Variants in ACBD6 observed in about 807,000 individuals in gnomAD.
ACBD6 encodes the protein acyl-CoA-binding domain-containing protein 6.
ACBD6 carries 28 observed loss-of-function variants against 37.2 expected under a neutral mutation model. The ratio of observed to expected loss-of-function variants is 0.75; its 90% CI spans 0.56 to 1.03. The LOEUF (loss-of-function observed/expected upper bound fraction) is 1.03, where lower values mean the gene tolerates loss of function less well. ACBD6 is among the 50% of genes least tolerant of loss of function. The pLI is 0.00. For missense variants in ACBD6, 340 were observed against 337.4 expected, an observed-to-expected ratio of 1.01 and a Z score of -0.06; for synonymous variants, 113 against 126.8, an observed-to-expected ratio of 0.89 and a Z score of 0.73.
intron 5 of ACBD6, among the ~76,000 whole-genome samples, chr1:180,409,573 T>C (rs1427174838): frequency 6.6e-6 from 1 of 152,132 alleles, no homozygotes; most frequent in Non-Finnish European, 1.5e-5. Flanking sequence ...ATTATATCTG[T>C]TAGGGTAATG....
intron 6 of ACBD6, among the ~76,000 whole-genome samples, chr1:180,361,136 T>A (rs1652834121): frequency 6.6e-6 from 1 of 152,196 alleles, no homozygotes. Flanking sequence ...CTTTTAAATG[T>A]CACTAAAAAT....
At chr1:180,344,233 G>T (rs1435470986) in intron 6 of ACBD6, among the ~76,000 whole-genome samples, 2 of 152,186 alleles carry the variant, frequency 1.3e-5, no homozygotes, top group African/African-American at 4.8e-5. Context: ...AGCAACAGTA[G>T]CAGGCAGCAG....
intron 3 of ACBD6, among the ~76,000 whole-genome samples, chr1:180,461,841 C>T (rs959075999): frequency 7.2e-5 from 11 of 152,088 alleles, no homozygotes; most frequent in Admixed American, 2.6e-4. Context: ...GTACACAGAC[C>T]AGTGACACTA....
chr1:180,496,705 G>A (rs554774380), intron 1 of ACBD6, among the ~76,000 whole-genome samples: 10 of 152,114 alleles, frequency 6.6e-5, no homozygotes, highest in African/African-American at 1.2e-4. Flanking sequence ...TTTGCTTAGC[G>A]ATTAATTGCA....
At chr1:180,430,127 G>A in intron 4 of ACBD6, 53 bp downstream of exon 4, 2 of 1,452,004 alleles carry the variant, frequency 1.4e-6, no homozygotes, top group Non-Finnish European at 1.9e-6. Context: ...ACAAACACAT[G>A]CACACACACA....
intron 6 of ACBD6, among the ~76,000 whole-genome samples, chr1:180,357,892 G>A (rs959013744): frequency 2.6e-5 from 4 of 152,062 alleles, no homozygotes; most frequent in Non-Finnish European, 5.9e-5. Flanking sequence ...GTAATTCTTT[G>A]GTCGTTCATA....
At chr1:180,273,606 C>T (rs1292749506) in intron 11 of ACBD6, 1 of 152,536 alleles carries the variant, frequency 6.6e-6, no homozygotes, top group African/African-American at 2.4e-5. Flanking sequence ...TTGCCTTAAT[C>T]AAGTCAATTC....
chr1:180,343,658 C>T (rs541885717), intron 6 of ACBD6, among the ~76,000 whole-genome samples: 1 of 152,294 alleles, frequency 6.6e-6, no homozygotes, highest in South Asian at 2.1e-4. Flanking sequence ...TGTTCTTCTG[C>T]TCCTTTGAAG....
intron 2 of ACBD6, 55 bp from the exon 3 acceptor site, chr1:180,492,420 A>G (rs867637122): frequency 1.5e-6 from 2 of 1,338,558 alleles, no homozygotes; most frequent in Non-Finnish European, 2.2e-6. Flanking sequence ...CACAAACAGC[A>G]TTTTTCTTAT....
In ACBD6 at chr1:180,450,261, T is replaced by C. The variant is rs531293029; in HGVS notation, c.385-19999A>G. 2.6e-5 allele frequency among the ~76,000 whole-genome samples: 4 copies of C among 152,296 alleles called. No homozygotes were observed. The South Asian group carries it at 8.3e-4, about 32-fold the overall frequency. ...TGTTCTAAAGAGAGAAAAGTTCTATTCTGTAGTGGTCACACTATGCCTAAA... is the reference window on the plus strand; with the variant it reads ...TGTTCTAAAGAGAGAAAAGTTCTATCCTGTAGTGGTCACACTATGCCTAAA... On this transcript the variant is annotated intron_variant, in intron 3 of 7. Transcript: ENST00000367595.
chr1:180,372,615 T>A (rs1001269860), intron 6 of ACBD6, among the ~76,000 whole-genome samples: 3 of 152,176 alleles, frequency 2.0e-5, no homozygotes, highest in Non-Finnish European at 4.4e-5. Flanking sequence ...GCAAATCCTT[T>A]GGATTTTACC....
At chr1:180,459,013 C>T (rs1650024673) in intron 3 of ACBD6, among the ~76,000 whole-genome samples, 1 of 151,798 alleles carries the variant, frequency 6.6e-6, no homozygotes. Context: ...TTATTAGAAC[C>T]TCAAAGTTCT....
At chr1:180,345,119 A>C (rs1652131316) in intron 6 of ACBD6, among the ~76,000 whole-genome samples, 1 of 152,178 alleles carries the variant, frequency 6.6e-6, no homozygotes, top group South Asian at 2.1e-4. Flanking sequence ...CTAGCATTCA[A>C]AGTTAGGTAA....
intron 5 of ACBD6, among the ~76,000 whole-genome samples, chr1:180,399,177 G>A (rs1043072853): frequency 1.3e-5 from 2 of 152,112 alleles, no homozygotes; most frequent in South Asian, 4.2e-4. Context: ...CAGAGAAAAA[G>A]TGTGGTCAAA....
chr1:180,475,583 C>T (rs1379148290), intron 3 of ACBD6, among the ~76,000 whole-genome samples: 1 of 152,076 alleles, frequency 6.6e-6, no homozygotes, highest in Non-Finnish European at 1.5e-5. Context: ...TGAGGTCTTG[C>T]TGTATTGCCC....
At chr1:180,444,345 T>C (rs1649399555) in intron 3 of ACBD6, among the ~76,000 whole-genome samples, 1 of 151,162 alleles carries the variant, frequency 6.6e-6, no homozygotes, top group Non-Finnish European at 1.5e-5. Flanking sequence ...ACTGACCCCA[T>C]AATTTGATTA....
At chr1:180,397,348 G>C (rs10798759) in intron 6 of ACBD6, among the ~76,000 whole-genome samples, 168 bp downstream of exon 6, 83,528 of 151,962 alleles carry the variant, frequency 0.55, 23,804 homozygotes, top group South Asian at 0.67. Context: ...TTTCTTTTGC[G>C]GTGACAACAG....
chr1:180,312,379 T>C (rs929501993), intron 7 of ACBD6, among the ~76,000 whole-genome samples: 1 of 152,166 alleles, frequency 6.6e-6, no homozygotes, highest in African/African-American at 2.4e-5. Flanking sequence ...TTTACAATAA[T>C]GCTTAAGAAT....
At chr1:180,499,032 A>G (rs1327856551) in intron 1 of ACBD6, among the ~76,000 whole-genome samples, 1 of 152,184 alleles carries the variant, frequency 6.6e-6, no homozygotes, top group Non-Finnish European at 1.5e-5. Context: ...AAACTTTATT[A>G]AAAGATTATT....
Sources: allele counts gnomAD v4.1 joint callset (sites outside exome capture counted in the v4.1 genomes callset), GRCh38; gene constraint gnomAD v4.1.1; transcripts MANE v1.5; gene names NCBI Gene and HGNC (gene_info 2026-07-23, HGNC 2026-07-21).